ADAMTS18: variants seen among roughly 807,000 people sequenced by gnomAD.
ADAMTS18 encodes A disintegrin and metalloproteinase with thrombospondin motifs 18.
A neutral mutation model predicts 165.9 loss-of-function variants in ADAMTS18; 157 were observed. The ratio of observed to expected loss-of-function variants is 0.95; its 90% CI spans 0.83 to 1.08. ADAMTS18 has a LOEUF of 1.08. Among genes scored for constraint, ADAMTS18 ranks in the 50% least tolerant of loss-of-function variants. The pLI is 0.00. For missense variants in ADAMTS18, 2,040 were observed against 1,534.0 expected (o/e 1.33, Z -5.51); for synonymous variants, 782 against 578.2 (o/e 1.35, Z -5.06).
chr16:77,341,922 G>A, intron 10 of ADAMTS18, 123 bp from the exon 11 acceptor site: 1 of 780,146 alleles, frequency 1.3e-6, no homozygotes, highest in Non-Finnish European at 2.1e-6. Context: ...TATTCAGAAA[G>A]TAGAGGCCAG....
At chr16:77,342,324 C>G (rs1311338109) in intron 10 of ADAMTS18, among the ~76,000 whole-genome samples, 2 of 152,204 alleles carry the variant, frequency 1.3e-5, no homozygotes, top group African/African-American at 2.4e-5. Context: ...TTTTGCCTGG[C>G]ACATGCAGTT....
rs1224647527 is a variant in ADAMTS18 at position 77,289,462 on chromosome 16, G to A, written c.3403-51C>T. 7 of 1,596,648 alleles carry A rather than the reference G, an allele frequency of 4.4e-6. No homozygotes were observed. In the Admixed American group the frequency reaches 1.0e-4, roughly 23 times the overall value. On this transcript the variant is annotated intron_variant, in intron 21 of 22. Transcript: ENST00000282849. ...TCAGAAACACTCTACTGAGGTCAGT[G>A]ACATCAAACAGAAGGAATTCCCATG... is the stretch of plus-strand genomic sequence containing the variant.
At chr16:77,383,136 G>A (rs1473311180) in intron 3 of ADAMTS18, among the ~76,000 whole-genome samples, 2 of 152,092 alleles carry the variant, frequency 1.3e-5, no homozygotes, top group Non-Finnish European at 2.9e-5. Flanking sequence ...GTCTGGTCAT[G>A]TATTGCCCCA....
intron 8 of ADAMTS18, among the ~76,000 whole-genome samples, chr16:77,358,055 GCA>G (rs957040478): frequency 7.2e-5 from 11 of 152,308 alleles, no homozygotes; most frequent in African/African-American, 2.4e-4. Flanking sequence ...CATTTGATAT[GCA>G]CACATATTTT....
At chr16:77,378,772 A>G (rs1437818138) in intron 3 of ADAMTS18, 2 of 152,170 alleles carry the variant, frequency 1.3e-5, no homozygotes, top group African/African-American at 2.4e-5. Context: ...CAGGACATAT[A>G]TAACACTCAA....
At chr16:77,394,507 C>CA (rs1039029290) in intron 3 of ADAMTS18, among the ~76,000 whole-genome samples, 13 of 150,696 alleles carry the variant, frequency 8.6e-5, no homozygotes, top group Admixed American at 5.3e-4. Context: ...TCAGGGAAAG[C>CA]AAAAAAAACT....
intron 3 of ADAMTS18, among the ~76,000 whole-genome samples, chr16:77,375,299 G>A (rs780859300): frequency 1.3e-5 from 2 of 152,086 alleles, no homozygotes; most frequent in Non-Finnish European, 2.9e-5. Flanking sequence ...TGGAATTACA[G>A]GCATGAAAAC....
intron 3 of ADAMTS18, among the ~76,000 whole-genome samples, chr16:77,394,531 T>C (rs1480332569): frequency 6.6e-6 from 1 of 152,104 alleles, no homozygotes; most frequent in Non-Finnish European, 1.5e-5. Flanking sequence ...CCATTAGAAA[T>C]TTGTGTGAAA....
At chr16:77,402,801 G>A (rs1306484882) in intron 3 of ADAMTS18, among the ~76,000 whole-genome samples, 2 of 152,208 alleles carry the variant, frequency 1.3e-5, no homozygotes, top group Non-Finnish European at 2.9e-5. Flanking sequence ...CTAACTCTCT[G>A]CCTTTTTAAA....
At chr16:77,380,844 C>T (rs1043943744) in intron 3 of ADAMTS18, among the ~76,000 whole-genome samples, 2 of 152,014 alleles carry the variant, frequency 1.3e-5, no homozygotes, top group Admixed American at 1.3e-4. Flanking sequence ...CTCACTGCAG[C>T]TCTATTTGTT....
At chr16:77,372,930 CCCA>C (rs2056896910) in intron 3 of ADAMTS18, among the ~76,000 whole-genome samples, 1 of 152,188 alleles carries the variant, frequency 6.6e-6, no homozygotes, top group African/African-American at 2.4e-5. Flanking sequence ...AAATTCCTGA[CCCA>C]CTAATCTCTG....
Position 77,431,285 on chromosome 16 carries a change from G to A in ADAMTS18, c.495+10C>T. ...AAGAGGGAGCTCAACTCAGACTGGG[G>A]TGTACTTACCAAGCCAGCACACGTA... On this transcript the variant is annotated intron_variant, in intron 3 of 22. Coordinates refer to ENST00000282849, the MANE Select transcript of ADAMTS18 (RefSeq NM_199355.4). 2 of 1,614,092 alleles carry A rather than the reference G, an allele frequency of 1.2e-6. No homozygotes were observed. Among genetic ancestry groups the A allele is most frequent in the Non-Finnish European group, 8.5e-7 (1 of 1,179,994 alleles).
intron 3 of ADAMTS18, among the ~76,000 whole-genome samples, chr16:77,386,880 T>G (rs2057115173): frequency 6.6e-6 from 1 of 152,176 alleles, no homozygotes; most frequent in African/African-American, 2.4e-5. Flanking sequence ...TATTTAACTT[T>G]GTGAAATCTG....
chr16:77,395,706 A>G (rs925805631), intron 3 of ADAMTS18, among the ~76,000 whole-genome samples: 2 of 152,170 alleles, frequency 1.3e-5, no homozygotes, highest in Non-Finnish European at 2.9e-5. Context: ...TAAAAAGTCA[A>G]TCATTTTATC....
In ADAMTS18 at chr16:77,364,272, T is replaced by TTC. The variant is rs2056759339; in HGVS notation, c.886_887dup (p.Thr297LysfsTer26). ...TTTTCTTGTCTGCCACCACGAGGGT[T>TTC]TCCACATTGAGGCCCTTTTGTGATT... On this transcript the variant is annotated frameshift_variant, in exon 5 of 23. Coordinates refer to ENST00000282849, the MANE Select transcript of ADAMTS18 (RefSeq NM_199355.4). LOFTEE classifies it high-confidence loss of function. 3 of 1,614,026 alleles carry TTC rather than the reference T, an allele frequency of 1.9e-6. No individual in the cohort carries two copies. Among genetic ancestry groups the TTC allele is most frequent in the African/African-American group, 1.3e-5 (1 of 74,992 alleles).
chr16:77,395,203 C>G (rs1051392687), intron 3 of ADAMTS18, among the ~76,000 whole-genome samples: 2 of 152,166 alleles, frequency 1.3e-5, no homozygotes, highest in African/African-American at 2.4e-5. Context: ...AATCAATTAG[C>G]AGTTAGTAAA....
Position 77,375,242 on chromosome 16 carries a change from G to T in ADAMTS18, c.496-7519C>A, listed in dbSNP as rs115792110. On this transcript the variant is annotated intron_variant, in intron 3 of 22. Coordinates refer to ENST00000282849, the MANE Select transcript of ADAMTS18 (RefSeq NM_199355.4). ...TCACCACATTGGTCAGGCTGATCCCGAACTCCTGACCTCAGGGGATCCGCC... is the reference window on the plus strand; with the variant it reads ...TCACCACATTGGTCAGGCTGATCCCTAACTCCTGACCTCAGGGGATCCGCC... 5.3e-3 allele frequency among the ~76,000 whole-genome samples: 803 copies of T among 152,150 alleles called. 12 individuals carry two copies. Among genetic ancestry groups the T allele is most frequent in the African/African-American group, 0.019 (771 of 41,496 alleles).
At chr16:77,311,323 T>C (rs978706502) in intron 16 of ADAMTS18, among the ~76,000 whole-genome samples, 2 of 152,194 alleles carry the variant, frequency 1.3e-5, no homozygotes, top group African/African-American at 4.8e-5. Context: ...TTTCACAAGA[T>C]TATAAAATAG....
intron 3 of ADAMTS18, among the ~76,000 whole-genome samples, chr16:77,372,964 A>C (rs2056897379): frequency 6.6e-6 from 1 of 152,206 alleles, no homozygotes; most frequent in East Asian, 1.9e-4. Flanking sequence ...TCCCTGCAGA[A>C]CCTGCCAGCT....
Sources: gnomAD v4.1 joint callset for allele counts (sites outside exome capture counted in the v4.1 genomes callset) on GRCh38, gnomAD v4.1.1 for gene constraint, MANE v1.5 for transcripts, NCBI Gene and HGNC (gene_info 2026-07-23, HGNC 2026-07-21) for gene names.